FHAD1: variants seen among roughly 807,000 people sequenced by gnomAD.
FHAD1 encodes forkhead associated phosphopeptide binding domain 1.
Under a neutral mutation model 191.3 loss-of-function variants are expected in FHAD1, and 146 were observed. The observed-to-expected ratio is 0.76, with a 90% confidence interval of 0.67 to 0.88. FHAD1 has a LOEUF of 0.88. FHAD1 is among the 40% of genes least tolerant of loss of function. The pLI is 0.00. For missense variants in FHAD1, 1,635 were observed against 1,785.8 expected, an observed-to-expected ratio of 0.92 and a Z score of 1.52; for synonymous variants, 616 against 672.3, an observed-to-expected ratio of 0.92 and a Z score of 1.29.
intron 23 of FHAD1, among the ~76,000 whole-genome samples, chr1:15,365,510 G>A (rs1294730557): frequency 4.9e-5 from 4 of 81,514 alleles, no homozygotes; most frequent in South Asian, 3.8e-4. Context: ...TTGTAGAGAC[G>A]GGGTTCTGAC....
At chr1:15,359,611 G>A (rs538492336) in intron 21 of FHAD1, among the ~76,000 whole-genome samples, 3 of 152,228 alleles carry the variant, frequency 2.0e-5, no homozygotes, top group South Asian at 4.1e-4. Flanking sequence ...ACTTTGGGAG[G>A]CCAAGGTGGG....
intron 13 of FHAD1, chr1:15,328,686 C>A: frequency 3.0e-6 from 1 of 338,670 alleles, no homozygotes; most frequent in East Asian, 4.7e-5. Flanking sequence ...GCCCGCATCC[C>A]CAGCCAAAAA....
upstream of FHAD1, among the ~76,000 whole-genome samples, chr1:15,244,993 G>A (rs150562720): frequency 4.2e-4 from 64 of 152,322 alleles, no homozygotes; most frequent in East Asian, 1.9e-3. This position sits in a 1 kb window ranked among gnomAD's most constrained non-coding sequence, Gnocchi z 5.1. Context: ...AGAAAGTAGC[G>A]CCTGCATGTG....
chr1:15,364,664 A>T (rs1158446687), intron 23 of FHAD1, among the ~76,000 whole-genome samples: 1 of 152,210 alleles, frequency 6.6e-6, no homozygotes. Context: ...CCTGGATTTC[A>T]AAAGCCTGTG....
At chr1:15,310,036 G>A (rs1298628647) in intron 7 of FHAD1, among the ~76,000 whole-genome samples, 4 of 152,174 alleles carry the variant, frequency 2.6e-5, no homozygotes, top group Admixed American at 6.5e-5. Flanking sequence ...TTCTAAGTGT[G>A]ATGGGACACG....
At position 15,395,397 on chromosome 1, in the gene FHAD1, C is replaced by T. The variant is rs554346156; in HGVS notation, c.4324-1900C>T. Among the ~76,000 whole-genome samples, 295 of 152,088 alleles carry T rather than the reference C, an allele frequency of 1.9e-3. 1 individual carries two copies. Among genetic ancestry groups the T allele is most frequent in the Non-Finnish European group, 3.3e-3 (223 of 68,000 alleles). On this transcript the variant is annotated intron_variant, in intron 33 of 33. Coordinates refer to ENST00000688493, the MANE Select transcript of FHAD1 (RefSeq NM_001391957.1). ...GCATGCATGCACTCGGGCACACACACGTCTCCATGTCATTTCTGCCCCTCT... is the reference window on the plus strand; with the variant it reads ...GCATGCATGCACTCGGGCACACACATGTCTCCATGTCATTTCTGCCCCTCT...
At chr1:15,245,280 T>G (rs186174513), upstream of FHAD1, among the ~76,000 whole-genome samples, 2 of 152,186 alleles carry the variant, frequency 1.3e-5, no homozygotes, top group Non-Finnish European at 2.9e-5. Flanking sequence ...GGATAGAGTG[T>G]TGAGGTTTTT....
In FHAD1 at chr1:15,376,045, T is replaced by TTTTA. The variant is rs1236529137; in HGVS notation, c.3705+347_3705+350dup. 6.0e-4 allele frequency among the ~76,000 whole-genome samples: 78 copies of TTTTA among 130,790 alleles called. 1 individual carries two copies. Among genetic ancestry groups the TTTTA allele is most frequent in the African/African-American group, 1.5e-3 (53 of 34,788 alleles). 85.8% of individuals were successfully genotyped at this position (130,790 alleles called of 152,430 possible). ...TATTTTTTATTTTTATTTATTTTTA[T>TTTTA]TTTATTTATTTATTTATTTATTTAT... On this transcript the variant is annotated intron_variant, in intron 28 of 33. Coordinates refer to ENST00000688493, the MANE Select transcript of FHAD1 (RefSeq NM_001391957.1).
At chr1:15,338,615 C>G (rs548167084) in intron 14 of FHAD1, among the ~76,000 whole-genome samples, 95 of 152,300 alleles carry the variant, frequency 6.2e-4, no homozygotes, top group Non-Finnish European at 9.3e-4. Context: ...AGGGGGTCAT[C>G]ATTCAGCCCC....
In FHAD1 at chr1:15,289,486, C is replaced by A; in HGVS notation, c.388C>A (p.Pro130Thr). 1.3e-6 allele frequency: 2 copies of A among 1,551,888 alleles called. No homozygotes were observed. Among genetic ancestry groups the A allele is most frequent in the Middle Eastern group, 1.7e-4 (1 of 5,992 alleles). ...ATQQPNQAPP[P>T]SHIPFHQGVQ... Reference sequence around the variant, plus strand: ...ACAGCAGCCAAACCAGGCCCCCCCACCATCACATATCCCCTTCCACCAAGG... The same window carrying A: ...ACAGCAGCCAAACCAGGCCCCCCCAACATCACATATCCCCTTCCACCAAGG... The change falls in exon 4 of 34, where the codon CCA becomes ACA. Residue 130 changes from proline (P) to threonine (T), a missense_variant. Pro to Thr is a conservative substitution (Grantham distance 38). Coordinates refer to ENST00000688493, the MANE Select transcript of FHAD1 (RefSeq NM_001391957.1). The surrounding 1 kb of genome is among the most constrained non-coding windows in gnomAD (Gnocchi z 4.2).
At chr1:15,398,784 CA>C (rs5772639), downstream of FHAD1, among the ~76,000 whole-genome samples, 328 of 133,682 alleles carry the variant, frequency 2.5e-3, 2 homozygotes, top group African/African-American at 3.7e-3. Flanking sequence ...GCCAGGCAGC[CA>C]AAAAAAAAAA....
chr1:15,390,792 C>G (rs957818598), intron 32 of FHAD1, among the ~76,000 whole-genome samples: 2 of 152,150 alleles, frequency 1.3e-5, no homozygotes, highest in Non-Finnish European at 2.9e-5. Context: ...CATCATGGGC[C>G]CCACCATCCC....
At chr1:15,251,637 A>C (rs971269884) in intron 1 of FHAD1, 134 bp from the exon 2 acceptor site, 5 of 677,404 alleles carry the variant, frequency 7.4e-6, no homozygotes, top group African/African-American at 7.3e-5. Context: ...TGACTGATCT[A>C]TCTAATCCCC....
In FHAD1 at chr1:15,340,481, A is replaced by T. The variant is rs554883725; in HGVS notation, c.1977+930A>T. Among the ~76,000 whole-genome samples, 3 of 152,260 alleles carry T rather than the reference A, an allele frequency of 2.0e-5. No individual in the cohort carries two copies. In the East Asian group the frequency reaches 5.8e-4, roughly 30 times the overall value. On this transcript the variant is annotated intron_variant, in intron 15 of 33. Coordinates refer to ENST00000688493, the MANE Select transcript of FHAD1 (RefSeq NM_001391957.1). The stretch of plus-strand genomic sequence containing the variant: ...CAGCTCCCTGTGTCTCTCATCCCCC[A>T]GCAAGCAAGCCTAGGCTGTTCTCAT...
intron 2 of FHAD1, among the ~76,000 whole-genome samples, chr1:15,257,342 C>T (rs1557930890): frequency 6.6e-6 from 1 of 152,252 alleles, no homozygotes; most frequent in Non-Finnish European, 1.5e-5. Flanking sequence ...GTATCCGTGA[C>T]ATTTTAATTC....
chr1:15,343,096 G>A (rs1043039627), intron 16 of FHAD1, among the ~76,000 whole-genome samples: 3 of 152,102 alleles, frequency 2.0e-5, no homozygotes, highest in Non-Finnish European at 2.9e-5. Flanking sequence ...CCATACCTGA[G>A]GGTTGGCCCT....
At chr1:15,324,311 G>T (rs746660824) in intron 10 of FHAD1, 141 bp from the exon 11 acceptor site, 68 of 670,578 alleles carry the variant, frequency 1.0e-4, no homozygotes, top group Non-Finnish European at 1.7e-4. Flanking sequence ...CCCCGCGCAC[G>T]CCTGTGACCC....
chr1:15,369,919 T>C (rs759565308), intron 26 of FHAD1, among the ~76,000 whole-genome samples: 14 of 152,238 alleles, frequency 9.2e-5, no homozygotes, highest in Non-Finnish European at 1.8e-4. Context: ...AAATACATTT[T>C]ATGTATATAC....
chr1:15,376,044 A>ATTTT (rs1237829160), intron 28 of FHAD1, among the ~76,000 whole-genome samples: 7 of 133,030 alleles, frequency 5.3e-5, no homozygotes, highest in Admixed American at 1.6e-4. Context: ...ATTTATTTTT[A>ATTTT]TTTTATTTAT....
Sources: allele counts gnomAD v4.1 joint callset (sites outside exome capture counted in the v4.1 genomes callset), GRCh38; gene constraint gnomAD v4.1.1; non-coding constraint Gnocchi (gnomAD v3.1); transcripts MANE v1.5; gene names NCBI Gene and HGNC (gene_info 2026-07-23, HGNC 2026-07-21).